The following HAPLN1 variants were observed in gnomAD, a reference collection of about 807,000 sequenced individuals.
The protein encoded by HAPLN1 is hyaluronan and proteoglycan link protein 1.
A neutral mutation model predicts 36.5 loss-of-function variants in HAPLN1; 13 were observed. The observed-to-expected ratio is 0.36, with a 90% CI of 0.23 to 0.57. The LOEUF (loss-of-function observed/expected upper bound fraction) is 0.57. HAPLN1 is among the 20% of genes least tolerant of loss of function. The probability of loss-of-function intolerance (pLI) is 0.83; values close to 1 mark genes in which losing one functional copy is unlikely to be tolerated. For synonymous variants in HAPLN1, 202 were observed against 169.8 expected, an observed-to-expected ratio of 1.19 and a Z score of -1.48; for missense variants, 407 against 439.7, an observed-to-expected ratio of 0.93 and a Z score of 0.66.
intron 2 of HAPLN1, among the ~76,000 whole-genome samples, chr5:83,666,846 A>G (rs562956856): frequency 1.2e-4 from 18 of 152,136 alleles, no homozygotes; most frequent in Non-Finnish European, 2.4e-4. Context: ...ACAGAGAATA[A>G]CCCAGTGTTT....
Position 83,640,489 on chromosome 5 carries a change from C to T in HAPLN1, c.*1007G>A, listed in dbSNP as rs1310837673. The T allele has an allele frequency of 6.6e-6, 1 of 152,056 alleles. No homozygotes were observed. Among genetic ancestry groups the T allele is most frequent in the South Asian group, 2.1e-4 (1 of 4,828 alleles). The allele number at this position is 152,056 out of a possible 1,614,324, so 9.4% of individuals were successfully genotyped here. On this transcript the variant is annotated 3_prime_UTR_variant, in exon 5 of 5. Coordinates refer to ENST00000274341, the MANE Select transcript of HAPLN1 (RefSeq NM_001884.4). Reference sequence around the variant, plus strand: ...GGAATAATAAGAATTTTGAAAGTTGCATCTTTGTTTCTGCATTAGGGATTC... The same window carrying T: ...GGAATAATAAGAATTTTGAAAGTTGTATCTTTGTTTCTGCATTAGGGATTC...
intron 1 of HAPLN1, among the ~76,000 whole-genome samples, chr5:83,687,863 TTC>T (rs1204957638): frequency 6.6e-6 from 1 of 152,182 alleles, no homozygotes; most frequent in Admixed American, 6.6e-5. Context: ...ATATAGAACA[TTC>T]TGAGTTATTG....
At chr5:83,686,951 T>C (rs1045656127) in intron 1 of HAPLN1, among the ~76,000 whole-genome samples, 14 of 152,174 alleles carry the variant, frequency 9.2e-5, no homozygotes, top group East Asian at 1.9e-4. Flanking sequence ...AAAATGCCAT[T>C]GCTAAAAATA....
In HAPLN1 at chr5:83,673,491, T is replaced by G. The variant is rs749453113; in HGVS notation, c.33A>C (p.Ser11=). The G allele has an allele frequency of 6.2e-7, 1 of 1,613,826 alleles. No individual in the cohort carries two copies. The highest frequency in any genetic ancestry group is 1.1e-5 in the South Asian group (1 of 91,018). Residue 11 remains serine, a synonymous_variant, in exon 2 of 5, where the codon TCA becomes TCC. Transcript: ENST00000274341. ...CTGAAAGATGATCAGCCCAGCAGAT[T>G]GAAATCAGCACCAGAAGAAGTAGAC... is the stretch of plus-strand genomic sequence containing the variant. MKSLLLLVLI[S]ICWADHLSDN... is the part of the protein sequence containing the mutation.
At chr5:83,661,157 A>G (rs1245954698) in intron 2 of HAPLN1, among the ~76,000 whole-genome samples, 3 of 152,056 alleles carry the variant, frequency 2.0e-5, no homozygotes, top group South Asian at 2.1e-4. Context: ...GCCTTTTTAA[A>G]CAAACATCAC....
chr5:83,714,737 C>A (rs752995403), intron 1 of HAPLN1, among the ~76,000 whole-genome samples: 1 of 152,238 alleles, frequency 6.6e-6, no homozygotes, highest in Non-Finnish European at 1.5e-5. Flanking sequence ...ACTGCTCCCT[C>A]CCACTAAACC....
At chr5:83,720,269 C>A (rs1365531685) in intron 1 of HAPLN1, among the ~76,000 whole-genome samples, 6 of 152,188 alleles carry the variant, frequency 3.9e-5, no homozygotes, top group African/African-American at 1.4e-4. Flanking sequence ...GAGAAGGAAG[C>A]CTGGGCCAAA....
At chr5:83,703,977 A>G (rs946186076) in intron 1 of HAPLN1, among the ~76,000 whole-genome samples, 1 of 152,054 alleles carries the variant, frequency 6.6e-6, no homozygotes, top group African/African-American at 2.4e-5. Flanking sequence ...TGAAAAAAAA[A>G]GAATGTTAAA....
At chr5:83,649,769 G>C (rs1292821542) in intron 3 of HAPLN1, among the ~76,000 whole-genome samples, 6 of 152,074 alleles carry the variant, frequency 3.9e-5, no homozygotes, top group Non-Finnish European at 5.9e-5. Flanking sequence ...CTTAAGAATG[G>C]TTTCCATGAC....
At chr5:83,645,459 T>C (rs1437572723) in intron 3 of HAPLN1, among the ~76,000 whole-genome samples, 8 of 120,616 alleles carry the variant, frequency 6.6e-5, no homozygotes, top group African/African-American at 2.6e-4. Context: ...TGTGATTTTC[T>C]TTTTTCTTTT....
chr5:83,657,523 C>T (rs984469211), intron 2 of HAPLN1, among the ~76,000 whole-genome samples: 24 of 152,200 alleles, frequency 1.6e-4, no homozygotes, highest in African/African-American at 5.5e-4. Context: ...CAGGGATGAT[C>T]GGTTGTCAGG....
At chr5:83,673,640 GAAT>G (rs1250617977) in intron 1 of HAPLN1, 91 bp from the exon 2 acceptor site, 1 of 723,686 alleles carries the variant, frequency 1.4e-6, no homozygotes, top group Non-Finnish European at 2.4e-6. Flanking sequence ...TATCATCATA[GAAT>G]GGGTCTGTAA....
chr5:83,643,695 C>G (rs1407408911), intron 4 of HAPLN1, among the ~76,000 whole-genome samples: 1 of 152,082 alleles, frequency 6.6e-6, no homozygotes, highest in Non-Finnish European at 1.5e-5. Context: ...CAAGCAGTGC[C>G]CCTGCCTAGG....
chr5:83,689,204 G>A lies in HAPLN1; in HGVS notation c.-26-15655C>T, dbSNP rs181728973. On this transcript the variant is annotated intron_variant, in intron 1 of 4. Transcript: ENST00000274341. ...TTATTTTGGCTATTCTTCCTATTTG[G>A]AAGGGTAGGGTGAGGAGCGTTAGGG... Among the ~76,000 whole-genome samples, 84 of 152,160 alleles carry A rather than the reference G, an allele frequency of 5.5e-4. No homozygotes were observed. In the East Asian group the frequency reaches 0.01, roughly 18 times the overall value.
At chr5:83,712,548 A>C (rs1182734423) in intron 1 of HAPLN1, among the ~76,000 whole-genome samples, 2 of 152,054 alleles carry the variant, frequency 1.3e-5, no homozygotes, top group African/African-American at 4.8e-5. Context: ...TAGATCAAAA[A>C]TTTTATTTAG....
chr5:83,658,348 A>G (rs1750279879), intron 2 of HAPLN1, among the ~76,000 whole-genome samples: 2 of 152,136 alleles, frequency 1.3e-5, no homozygotes, highest in African/African-American at 4.8e-5. Flanking sequence ...TCCAGCATCA[A>G]CATAGTGCTT....
chr5:83,669,257 C>T (rs956477474), intron 2 of HAPLN1, among the ~76,000 whole-genome samples: 5 of 152,104 alleles, frequency 3.3e-5, no homozygotes, highest in African/African-American at 9.7e-5. Flanking sequence ...AATTCTAACA[C>T]TTTGGGAGGC....
intron 1 of HAPLN1, among the ~76,000 whole-genome samples, chr5:83,704,838 A>G (rs1022037248): frequency 3.3e-5 from 5 of 152,218 alleles, no homozygotes; most frequent in African/African-American, 9.6e-5. Context: ...ACAGTATTAG[A>G]CAGATCATCA....
intron 1 of HAPLN1, among the ~76,000 whole-genome samples, chr5:83,707,042 T>C (rs770805867): frequency 6.6e-6 from 1 of 151,958 alleles, no homozygotes; most frequent in Non-Finnish European, 1.5e-5. Flanking sequence ...ATTCCTATGG[T>C]GAGAATTACA....
Sources: gnomAD v4.1 joint callset for allele counts (sites outside exome capture counted in the v4.1 genomes callset) on GRCh38, gnomAD v4.1.1 for gene constraint, MANE v1.5 for transcripts, NCBI Gene and HGNC (gene_info 2026-07-23, HGNC 2026-07-21) for gene names.